The following PDE4C variants were observed in gnomAD, a reference collection of about 807,000 sequenced individuals.
PDE4C encodes the protein 3',5'-cyclic-AMP phosphodiesterase 4C.
PDE4C carries 50 observed loss-of-function variants against 63.9 expected under a neutral mutation model. That is an observed-to-expected ratio of 0.78 (90% CI 0.62 to 0.99). The LOEUF (loss-of-function observed/expected upper bound fraction) is 0.99. Among genes scored for constraint, PDE4C ranks in the 50% least tolerant of loss-of-function variants. PDE4C has a pLI of 0.00. For missense variants in PDE4C, 777 were observed against 899.1 expected, an observed-to-expected ratio of 0.86 and a Z score of 1.74; for synonymous variants, 377 against 385.1, an observed-to-expected ratio of 0.98 and a Z score of 0.25.
chr19:18,240,456 G>A (rs963927405), intron 1 of PDE4C, among the ~76,000 whole-genome samples: 15 of 149,098 alleles, frequency 1.0e-4, no homozygotes, highest in African/African-American at 3.2e-4. Context: ...GGCTGGGCAC[G>A]GTGGCTCATG....
At chr19:18,247,796 C>T (rs200021590) in intron 1 of PDE4C, among the ~76,000 whole-genome samples, 77 of 152,114 alleles carry the variant, frequency 5.1e-4, no homozygotes, top group African/African-American at 2.4e-5. Context: ...GTGGGACACC[C>T]CCTAGACAGA....
At chr19:18,226,335 G>C in exon 1 of PDE4C, 2 of 1,553,726 alleles carry the variant, frequency 1.3e-6, no homozygotes, top group Non-Finnish European at 1.7e-6. Context: ...AAAGCTTCCT[G>C]AAGAGCCCGG....
In PDE4C at chr19:18,220,550, C is replaced by T. The variant is rs778376982; in HGVS notation, c.500-35G>A. 6.4e-7 allele frequency: 1 copy of T among 1,569,898 alleles called. No homozygotes were observed. The highest frequency in any genetic ancestry group is 1.7e-5 in the Admixed American group (1 of 58,674). On this transcript the variant is annotated intron_variant, in intron 5 of 14. Transcript: ENST00000262805. This position sits in a 1 kb window ranked among gnomAD's most constrained non-coding sequence, Gnocchi z 5.1. Reference sequence around the variant, plus strand: ...GAGGCAGTCAGGGGCCTGCCCAACCCCCCCGCTCAGGGACCCCACGCCTCT... The same window carrying T: ...GAGGCAGTCAGGGGCCTGCCCAACCTCCCCGCTCAGGGACCCCACGCCTCT...
chr19:18,238,472 A>G (rs937182759), upstream of PDE4C, among the ~76,000 whole-genome samples: 5 of 151,698 alleles, frequency 3.3e-5, no homozygotes, highest in Non-Finnish European at 7.4e-5. Flanking sequence ...TCCTGACCTC[A>G]AGTGATCTGC....
intron 12 of PDE4C, among the ~76,000 whole-genome samples, chr19:18,214,700 A>G (rs368239496): frequency 6.6e-6 from 1 of 151,812 alleles, no homozygotes; most frequent in Non-Finnish European, 1.5e-5. Flanking sequence ...TGTAATCCCA[A>G]CACTTTGGGA....
In PDE4C at chr19:18,220,720, G is replaced by A. The variant is rs1010089125; in HGVS notation, c.499+154C>T. 1.1e-5 allele frequency: 9 copies of A among 819,468 alleles called. No individual in the cohort carries two copies. The highest frequency in any genetic ancestry group is 1.8e-5 in the Non-Finnish European group (9 of 495,634). 50.8% of individuals were successfully genotyped at this position (819,468 alleles called of 1,614,324 possible). On this transcript the variant is annotated intron_variant, in intron 5 of 14. Coordinates refer to ENST00000262805, the Ensembl canonical transcript of PDE4C. The surrounding 1 kb of genome is among the most constrained non-coding windows in gnomAD (Gnocchi z 5.1). ...CTCAGCCTCCTCATCTGTAATATGA[G>A]TGTGGTGGGGTCCATCCCCGAGGGC...
Position 18,220,729 on chromosome 19 carries a change from G to T in PDE4C, c.499+145C>A, listed in dbSNP as rs1353948733. 3.5e-6 allele frequency: 3 copies of T among 856,870 alleles called. No individual in the cohort carries two copies. In the African/African-American group the frequency reaches 5.0e-5, roughly 14 times the overall value. 53.1% of individuals were successfully genotyped at this position (856,870 alleles called of 1,614,324 possible). A position where few individuals can be genotyped will look rare whatever the true frequency, so the allele number is the denominator to read the frequency against. ...CTCATCTGTAATATGAGTGTGGTGG[G>T]GTCCATCCCCGAGGGCGTTATTGTT... On this transcript the variant is annotated intron_variant, in intron 5 of 14. Coordinates refer to ENST00000262805, the Ensembl canonical transcript of PDE4C. The surrounding 1 kb of genome is among the most constrained non-coding windows in gnomAD (Gnocchi z 5.1).
chr19:18,214,496 G>A (rs1968105217), intron 12 of PDE4C, among the ~76,000 whole-genome samples: 1 of 152,030 alleles, frequency 6.6e-6, no homozygotes, highest in East Asian at 1.9e-4. Context: ...TGAAGAGACT[G>A]AGGGCCTCTG....
Position 18,220,321 on chromosome 19 carries a change from T to TGGGGC in PDE4C, c.613-7_613-3dup. 1 of 1,614,020 alleles carries TGGGGC rather than the reference T, an allele frequency of 6.2e-7. No individual in the cohort carries two copies. The highest frequency in any genetic ancestry group is 8.5e-7 in the Non-Finnish European group (1 of 1,179,952). ...CTCCCGGTTCAGGATCCGCTTGAAC[T>TGGGGC]GGGGCGGAGAGAAGGTGAAGACCGT... On this transcript the variant is annotated splice_region_variant and splice_polypyrimidine_tract_variant and intron_variant, in intron 6 of 14. Transcript: ENST00000262805. This position sits in a 1 kb window ranked among gnomAD's most constrained non-coding sequence, Gnocchi z 5.1.
chr19:18,253,953 T>G, the PDE4C span, among the ~76,000 whole-genome samples: 2 of 152,228 alleles, frequency 1.3e-5, no homozygotes, highest in African/African-American at 2.4e-5. Context: ...CCAAACTTTG[T>G]GCTTCCTCCT....
At chr19:18,227,530 T>G (rs1968766095), upstream of PDE4C, among the ~76,000 whole-genome samples, 1 of 152,198 alleles carries the variant, frequency 6.6e-6, no homozygotes, top group African/African-American at 2.4e-5. Flanking sequence ...GGGCCTCTGG[T>G]GTCTGGGAGG....
At chr19:18,216,971 C>A in intron 11 of PDE4C, 76 bp from the exon 12 acceptor site, 1 of 1,489,970 alleles carries the variant, frequency 6.7e-7, no homozygotes, top group South Asian at 1.3e-5. Context: ...TTTTGGAAAT[C>A]CTTAGCAAAC....
intron 7 of PDE4C, 153 bp from the exon 8 acceptor site, chr19:18,219,550 G>A (rs908453996): frequency 3.8e-5 from 31 of 820,780 alleles, no homozygotes; most frequent in African/African-American, 2.8e-4. Flanking sequence ...TCGGCCGGAC[G>A]CAGTGGCTCA....
At chr19:18,222,299 C>T (rs764674577) in exon 2 of PDE4C, 14 of 1,611,262 alleles carry the variant, frequency 8.7e-6, no homozygotes, top group East Asian at 4.5e-5. Context: ...TCCTCCCACA[C>T]GAGAGCCCAT....
At chr19:18,243,144 G>GT (rs1969073818) in intron 1 of PDE4C, among the ~76,000 whole-genome samples, 1 of 152,014 alleles carries the variant, frequency 6.6e-6, no homozygotes, top group South Asian at 2.1e-4. Context: ...TTTCGCTCTT[G>GT]TTGCCCAGGC....
In PDE4C at chr19:18,218,439, C is replaced by T. The variant is rs781671716; in HGVS notation, c.1029G>A (p.Leu343=). Reference sequence around the variant, plus strand: ...TGGCGTGGTAGTGACCTTCCAGCATCAGCAGGTAGGTGGCCAGTGTGTCTG... The same window carrying T: ...TGGCGTGGTAGTGACCTTCCAGCATTAGCAGGTAGGTGGCCAGTGTGTCTG... The change falls in exon 10 of 15, where the codon CTG becomes CTA. Residue 343 remains leucine (L), a synonymous_variant. Coordinates refer to ENST00000262805, the Ensembl canonical transcript of PDE4C. 3.1e-6 allele frequency: 5 copies of T among 1,614,188 alleles called. No homozygotes were observed. In the South Asian group the frequency reaches 5.5e-5, roughly 18 times the overall value.
the PDE4C span, among the ~76,000 whole-genome samples, chr19:18,253,991 G>A: frequency 6.6e-6 from 1 of 152,288 alleles, no homozygotes; most frequent in East Asian, 1.9e-4. Flanking sequence ...CAGAAATGCG[G>A]AAATAACACA....
chr19:18,235,193 C>T (rs62120396), upstream of PDE4C, among the ~76,000 whole-genome samples: 39,792 of 151,898 alleles, frequency 0.26, 5,356 homozygotes, highest in Middle Eastern at 0.32. Flanking sequence ...TTGTTTGAGA[C>T]GGAGTCTCAC....
intron 1 of PDE4C, among the ~76,000 whole-genome samples, chr19:18,224,767 C>A (rs1044868673): frequency 6.6e-6 from 1 of 152,256 alleles, no homozygotes; most frequent in Non-Finnish European, 1.5e-5. Context: ...CCGGGATGAA[C>A]CCCACGGCCA....
Sources: gnomAD v4.1 joint callset for allele counts (sites outside exome capture counted in the v4.1 genomes callset) on GRCh38, gnomAD v4.1.1 for gene constraint, Gnocchi (gnomAD v3.1) non-coding constraint, MANE v1.5 for transcripts, NCBI Gene and HGNC (gene_info 2026-07-23, HGNC 2026-07-21) for gene names.